PSMD1: variants seen among roughly 807,000 people sequenced by gnomAD.
PSMD1 encodes the protein 26S proteasome non-ATPase regulatory subunit 1.
In PSMD1, 18 loss-of-function variants were observed where a neutral mutation model predicts 119.0. The ratio of observed to expected loss-of-function variants is 0.15; its 90% CI spans 0.10 to 0.22. The LOEUF is 0.22. PSMD1 is among the 10% of genes least tolerant of loss of function. The pLI is 1.00. For synonymous variants in PSMD1, 374 were observed against 396.6 expected, an observed-to-expected ratio of 0.94 and a Z score of 0.68; for missense variants, 702 against 1,158.5, an observed-to-expected ratio of 0.61 and a Z score of 5.72.
intron 1 of PSMD1, among the ~76,000 whole-genome samples, chr2:231,059,583 A>G (rs561957201): frequency 6.6e-6 from 1 of 152,250 alleles, no homozygotes; most frequent in East Asian, 1.9e-4. Context: ...CACATAAAGG[A>G]AAGTTGTGCT....
At chr2:231,145,392 A>C (rs1267199411) in intron 17 of PSMD1, among the ~76,000 whole-genome samples, 2 of 152,174 alleles carry the variant, frequency 1.3e-5, no homozygotes, top group Non-Finnish European at 2.9e-5. Context: ...GTAGGACTGG[A>C]ACTTGCTCTG....
chr2:231,102,097 G>A (rs1275821538), intron 16 of PSMD1, among the ~76,000 whole-genome samples: 1 of 152,198 alleles, frequency 6.6e-6, no homozygotes, highest in Non-Finnish European at 1.5e-5. Flanking sequence ...GGGATTACAG[G>A]CATGAGCCAC....
chr2:231,058,845 T>G (rs12694886), intron 1 of PSMD1, among the ~76,000 whole-genome samples: 3 of 151,968 alleles, frequency 2.0e-5, no homozygotes, highest in Non-Finnish European at 2.9e-5. Flanking sequence ...CTCAATCTTT[T>G]GTCTCAACTC....
chr2:231,065,181 A>C (rs1693872285), intron 4 of PSMD1, among the ~76,000 whole-genome samples: 1 of 151,518 alleles, frequency 6.6e-6, no homozygotes, highest in Non-Finnish European at 1.5e-5. Context: ...CTTCTTACTT[A>C]TCTTTGAAAG....
At chr2:231,135,204 T>G (rs1474191379) in intron 16 of PSMD1, among the ~76,000 whole-genome samples, 1 of 152,224 alleles carries the variant, frequency 6.6e-6, no homozygotes, top group Non-Finnish European at 1.5e-5. Flanking sequence ...AACTACAAGT[T>G]TTAGAATAAC....
chr2:231,058,994 G>T (rs539203837), intron 1 of PSMD1, among the ~76,000 whole-genome samples: 1 of 152,052 alleles, frequency 6.6e-6, no homozygotes, highest in East Asian at 1.9e-4. Context: ...CAGGAAGCTT[G>T]TTTTCACAAT....
At chr2:231,123,569 T>C in intron 16 of PSMD1, 1 of 1,614,132 alleles carries the variant, frequency 6.2e-7, no homozygotes, top group South Asian at 1.1e-5. Context: ...ATTGTGGGTA[T>C]TATCACCATG....
At chr2:231,125,691 A>C (rs1465158867) in intron 16 of PSMD1, among the ~76,000 whole-genome samples, 1 of 152,222 alleles carries the variant, frequency 6.6e-6, no homozygotes, top group East Asian at 1.9e-4. Flanking sequence ...AGTAATGAAA[A>C]TACGTTTTTG....
intron 18 of PSMD1, among the ~76,000 whole-genome samples, chr2:231,149,611 G>A (rs996642273): frequency 6.6e-6 from 1 of 152,202 alleles, no homozygotes; most frequent in African/African-American, 2.4e-5. Context: ...CCTAAGGCCT[G>A]GTACAGGAAA....
chr2:231,100,549 G>A (rs772035984), intron 16 of PSMD1, among the ~76,000 whole-genome samples: 2 of 152,160 alleles, frequency 1.3e-5, no homozygotes, highest in Non-Finnish European at 2.9e-5. Context: ...TCAGCATGGA[G>A]CAGGTAATTG....
chr2:231,121,315 C>T (rs111744347), intron 16 of PSMD1, among the ~76,000 whole-genome samples: 3 of 152,180 alleles, frequency 2.0e-5, no homozygotes, highest in African/African-American at 7.2e-5. Flanking sequence ...ATCACTTGAA[C>T]CCAGGAGTTT....
intron 1 of PSMD1, 84 bp downstream of exon 1, chr2:231,057,125 G>C: frequency 7.1e-7 from 1 of 1,403,526 alleles, no homozygotes. Context: ...GTGACTGGGC[G>C]CCTCCCGGCG....
At chr2:231,102,767 A>G (rs1353372088) in intron 16 of PSMD1, among the ~76,000 whole-genome samples, 1 of 152,016 alleles carries the variant, frequency 6.6e-6, no homozygotes, top group East Asian at 1.9e-4. Flanking sequence ...TGTAATTTTT[A>G]GTGAAAAAAA....
intron 12 of PSMD1, 74 bp downstream of exon 12, chr2:231,080,388 G>C (rs1694280879): frequency 3.2e-6 from 4 of 1,259,418 alleles, no homozygotes; most frequent in Non-Finnish European, 1.1e-6. Flanking sequence ...CATTATTTTA[G>C]TGACTGGAGA....
chr2:231,082,644 G>T (rs1196343368), intron 12 of PSMD1, among the ~76,000 whole-genome samples: 1 of 152,216 alleles, frequency 6.6e-6, no homozygotes, highest in African/African-American at 2.4e-5. Flanking sequence ...GGTGGAGTTT[G>T]CAGTGAGCCC....
chr2:231,090,930 C>A (rs921709751), intron 16 of PSMD1, among the ~76,000 whole-genome samples: 5 of 152,188 alleles, frequency 3.3e-5, no homozygotes, highest in African/African-American at 1.2e-4. Flanking sequence ...TTGGAATCTA[C>A]TCCTGAAGAT....
intron 16 of PSMD1, among the ~76,000 whole-genome samples, chr2:231,118,519 A>G (rs1481559715): frequency 6.6e-6 from 1 of 152,198 alleles, no homozygotes; most frequent in Non-Finnish European, 1.5e-5. Flanking sequence ...TGTTTATTTT[A>G]TATACGGTAC....
chr2:231,142,903 T>G (rs1010589341), intron 17 of PSMD1, among the ~76,000 whole-genome samples: 4 of 152,146 alleles, frequency 2.6e-5, no homozygotes, highest in African/African-American at 9.7e-5. Flanking sequence ...GCTCTAATTT[T>G]AATATATATA....
chr2:231,123,507 C>T (rs781646655), intron 16 of PSMD1: 2 of 1,614,104 alleles, frequency 1.2e-6, no homozygotes, highest in Non-Finnish European at 1.7e-6. Context: ...TAGTAGCATA[C>T]TGCAGCTTCT....
Sources: allele counts gnomAD v4.1 joint callset (sites outside exome capture counted in the v4.1 genomes callset), GRCh38; gene constraint gnomAD v4.1.1; transcripts MANE v1.5; gene names NCBI Gene and HGNC (gene_info 2026-07-23, HGNC 2026-07-21).